The following CRPPA variants were observed in gnomAD, a reference collection of about 807,000 sequenced individuals.
CRPPA encodes D-ribitol-5-phosphate cytidylyltransferase.
A neutral mutation model predicts 52.0 loss-of-function variants in CRPPA; 43 were observed. The observed-to-expected ratio is 0.83, with a 90% CI of 0.65 to 1.07. The LOEUF (loss-of-function observed/expected upper bound fraction) is 1.07. CRPPA is among the 50% of genes least tolerant of loss of function. CRPPA has a pLI of 0.00. For synonymous variants in CRPPA, 250 were observed against 203.5 expected, an observed-to-expected ratio of 1.23 and a Z score of -1.94; for missense variants, 629 against 551.7, an observed-to-expected ratio of 1.14 and a Z score of -1.40.
chr7:16,387,996 TG>T (rs899206709), intron 2 of CRPPA, among the ~76,000 whole-genome samples: 9 of 152,186 alleles, frequency 5.9e-5, no homozygotes, highest in African/African-American at 2.2e-4. Flanking sequence ...CTTTCTTTGT[TG>T]GGGGAGGCAA....
chr7:16,341,854 C>G (rs1367608720), intron 3 of CRPPA, among the ~76,000 whole-genome samples: 1 of 152,156 alleles, frequency 6.6e-6, no homozygotes, highest in Non-Finnish European at 1.5e-5. Context: ...AGCTTTTCCA[C>G]TATTTCTGTA....
chr7:16,112,433 A>T (rs1782285346), intron 9 of CRPPA, among the ~76,000 whole-genome samples: 1 of 152,210 alleles, frequency 6.6e-6, no homozygotes, highest in Non-Finnish European at 1.5e-5. Context: ...GCCTTACAAA[A>T]TTAATAAAAG....
intron 3 of CRPPA, among the ~76,000 whole-genome samples, chr7:16,326,212 T>C (rs1785385314): frequency 6.6e-6 from 1 of 152,166 alleles, no homozygotes; most frequent in Admixed American, 6.5e-5. Context: ...TGGTATTTAA[T>C]GTAAGCAAAA....
chr7:16,093,322 A>G (rs572495635), intron 9 of CRPPA, among the ~76,000 whole-genome samples: 5 of 152,262 alleles, frequency 3.3e-5, no homozygotes, highest in East Asian at 1.9e-4. Flanking sequence ...ACGGACTGCA[A>G]TTGCTTACCT....
intron 9 of CRPPA, among the ~76,000 whole-genome samples, chr7:16,183,059 C>T (rs1159883274): frequency 2.0e-5 from 3 of 152,106 alleles, no homozygotes; most frequent in Non-Finnish European, 4.4e-5. Flanking sequence ...CAGTTTCTCA[C>T]CTCAAAGATC....
At chr7:16,303,771 T>C (rs1401884588) in intron 4 of CRPPA, among the ~76,000 whole-genome samples, 3 of 152,168 alleles carry the variant, frequency 2.0e-5, no homozygotes, top group African/African-American at 7.2e-5. Flanking sequence ...TTTTTGAAAT[T>C]ACAAAAACCA....
intron 2 of CRPPA, among the ~76,000 whole-genome samples, chr7:16,391,006 C>T (rs899483472): frequency 6.6e-6 from 1 of 152,116 alleles, no homozygotes; most frequent in Non-Finnish European, 1.5e-5. Flanking sequence ...CACATGAAGT[C>T]CCATGACTTT....
chr7:16,256,476 C>A (rs757862793), intron 8 of CRPPA, among the ~76,000 whole-genome samples: 13 of 152,124 alleles, frequency 8.5e-5, no homozygotes, highest in Non-Finnish European at 1.6e-4. Context: ...ATGTTTATTG[C>A]AGCTCTGTTC....
At chr7:16,143,727 A>T (rs1782918169) in intron 9 of CRPPA, among the ~76,000 whole-genome samples, 1 of 152,200 alleles carries the variant, frequency 6.6e-6, no homozygotes, top group Non-Finnish European at 1.5e-5. Context: ...ATAAGAAGAT[A>T]CGGTTAGATG....
intron 8 of CRPPA, among the ~76,000 whole-genome samples, chr7:16,250,457 T>A (rs576265073): frequency 2.6e-5 from 4 of 151,788 alleles, no homozygotes; most frequent in Admixed American, 1.3e-4. Context: ...GGAAAAAAGG[T>A]TAAGGGTAGC....
At chr7:16,342,962 C>G (rs557140141) in intron 3 of CRPPA, among the ~76,000 whole-genome samples, 1 of 141,052 alleles carries the variant, frequency 7.1e-6, no homozygotes, top group Non-Finnish European at 1.6e-5. Flanking sequence ...ACTGCTTGAG[C>G]CTGGGAGGTA....
At chr7:16,279,308 A>G (rs888555516) in intron 5 of CRPPA, among the ~76,000 whole-genome samples, 9 of 152,160 alleles carry the variant, frequency 5.9e-5, no homozygotes, top group African/African-American at 2.2e-4. Context: ...AGTTAATAGC[A>G]CTGCTATTAC....
At chr7:16,199,675 T>A (rs1244123399) in intron 9 of CRPPA, among the ~76,000 whole-genome samples, 1 of 151,998 alleles carries the variant, frequency 6.6e-6, no homozygotes, top group Non-Finnish European at 1.5e-5. Context: ...AAAAAAAAAA[T>A]TCAGTAAAGA....
At chr7:16,167,998 C>A (rs1781102492) in intron 9 of CRPPA, among the ~76,000 whole-genome samples, 1 of 152,120 alleles carries the variant, frequency 6.6e-6, no homozygotes. Flanking sequence ...TTTTCCCTTC[C>A]CCTTTCTTCT....
At chr7:16,195,143 C>A (rs554920358) in intron 9 of CRPPA, among the ~76,000 whole-genome samples, 1 of 151,956 alleles carries the variant, frequency 6.6e-6, no homozygotes, top group African/African-American at 2.4e-5. Context: ...TGCCTTGAAG[C>A]AAAAGTAATT....
At chr7:16,159,521 C>T (rs1025799136) in intron 9 of CRPPA, among the ~76,000 whole-genome samples, 1 of 152,108 alleles carries the variant, frequency 6.6e-6, no homozygotes, top group African/African-American at 2.4e-5. Context: ...ATCTATGTCC[C>T]TGCAAAGGAC....
At chr7:16,316,662 G>T (rs1785150889) in intron 3 of CRPPA, among the ~76,000 whole-genome samples, 1 of 152,030 alleles carries the variant, frequency 6.6e-6, no homozygotes, top group South Asian at 2.1e-4. Flanking sequence ...AGGAGTTCAA[G>T]ACCAGCCTGG....
intron 9 of CRPPA, 108 bp downstream of exon 9, chr7:16,215,958 G>T: frequency 1.1e-6 from 1 of 883,628 alleles, no homozygotes; most frequent in Non-Finnish European, 1.7e-6. Context: ...TAACTTTCCA[G>T]CTGTAATTTC....
intron 9 of CRPPA, among the ~76,000 whole-genome samples, chr7:16,183,776 G>A (rs1781454842): frequency 6.6e-6 from 1 of 152,078 alleles, no homozygotes; most frequent in African/African-American, 2.4e-5. Context: ...ATGCTCAAAG[G>A]AAGGTGCCTA....
Sources: allele counts gnomAD v4.1 joint callset (sites outside exome capture counted in the v4.1 genomes callset), GRCh38; gene constraint gnomAD v4.1.1; transcripts MANE v1.5; gene names NCBI Gene and HGNC (gene_info 2026-07-23, HGNC 2026-07-21).